The following SLC39A11 variants were observed in gnomAD, a reference collection of about 807,000 sequenced individuals.
The protein encoded by SLC39A11 is zinc transporter ZIP11.
A neutral mutation model predicts 36.1 loss-of-function variants in SLC39A11; 33 were observed. The observed-to-expected ratio is 0.91, with a 90% CI of 0.69 to 1.22. The LOEUF (loss-of-function observed/expected upper bound fraction) is 1.22. Among genes scored for constraint, SLC39A11 ranks in the 50% most tolerant of loss-of-function variants. The probability of loss-of-function intolerance (pLI) is 0.00; values close to 1 mark genes in which losing one functional copy is unlikely to be tolerated. For missense variants in SLC39A11, 432 were observed against 430.3 expected (o/e 1.00, Z -0.03); for synonymous variants, 166 against 170.3 (o/e 0.97, Z 0.20).
At chr17:72,656,215 AGCT>A (rs1349851843) in intron 7 of SLC39A11, among the ~76,000 whole-genome samples, 1 of 152,176 alleles carries the variant, frequency 6.6e-6, no homozygotes, top group African/African-American at 2.4e-5. Context: ...AAGACAGTGA[AGCT>A]GCTGTCTTCT....
chr17:72,950,982 C>A (rs1345514365), intron 4 of SLC39A11, among the ~76,000 whole-genome samples: 2 of 151,970 alleles, frequency 1.3e-5, no homozygotes, highest in Non-Finnish European at 2.9e-5. Flanking sequence ...TGAGCCAGGG[C>A]CAGGCACAGT....
rs8064445 is a variant in SLC39A11, at chr17:73,055,254, G to C, written c.148-23540C>G. Among the ~76,000 whole-genome samples the C allele has an allele frequency of 5.2e-3, 787 of 152,112 alleles. 11 individuals carry two copies. Among genetic ancestry groups the C allele is most frequent in the African/African-American group, 0.017 (726 of 41,490 alleles). On this transcript the variant is annotated intron_variant, in intron 3 of 9. Transcript: ENST00000255559. ...TTCATTCATGCGTGACATTGGGGTG[G>C]GGCAGAGGGGAGTTCATGCACATAT...
intron 7 of SLC39A11, among the ~76,000 whole-genome samples, chr17:72,678,348 G>A (rs1438334534): frequency 6.6e-6 from 1 of 152,082 alleles, no homozygotes; most frequent in Non-Finnish European, 1.5e-5. Context: ...GAGAAGGAGG[G>A]TACTAAAGAA....
chr17:72,773,780 C>T (rs1257503957), intron 6 of SLC39A11, among the ~76,000 whole-genome samples: 6 of 151,938 alleles, frequency 3.9e-5, no homozygotes, highest in Admixed American at 3.9e-4. Flanking sequence ...CATTAAAATA[C>T]AACATAAATA....
chr17:72,748,432 C>T (rs1216311835), intron 6 of SLC39A11, among the ~76,000 whole-genome samples: 1 of 152,124 alleles, frequency 6.6e-6, no homozygotes, highest in Non-Finnish European at 1.5e-5. Context: ...TAACTACTTC[C>T]TAATTAATGT....
chr17:72,647,593 G>C lies in SLC39A11; in HGVS notation c.999C>G (p.Gly333=), dbSNP rs1293379079. ...CCGAAGCGTCTCAGCCCTAGCCCAGGCCAACGTCCAGTGACATCATCACTA... is the reference window on the plus strand; with the variant it reads ...CCGAAGCGTCTCAGCCCTAGCCCAGCCCAACGTCCAGTGACATCATCACTA... ...GFVVMMSLDV[G]LG The change falls in exon 10 of 10, where the codon GGC becomes GGG. Residue 333 remains glycine (G), a synonymous_variant. Transcript: ENST00000255559. 6.2e-7 allele frequency: 1 copy of C among 1,613,706 alleles called. No homozygotes were observed. The highest frequency in any genetic ancestry group is 1.1e-5 in the South Asian group (1 of 90,996).
chr17:72,707,135 CAT>C (rs2072924647), intron 7 of SLC39A11, among the ~76,000 whole-genome samples: 1 of 152,176 alleles, frequency 6.6e-6, no homozygotes, highest in Non-Finnish European at 1.5e-5. Flanking sequence ...CATCATGGCT[CAT>C]GTGTGTAATC....
At chr17:72,945,852 C>G (rs1270452507) in intron 5 of SLC39A11, among the ~76,000 whole-genome samples, 1 of 152,198 alleles carries the variant, frequency 6.6e-6, no homozygotes. Flanking sequence ...AAATGTCCAT[C>G]CAAGGGCTTG....
At chr17:73,012,065 A>G (rs1282643733) in intron 4 of SLC39A11, among the ~76,000 whole-genome samples, 1 of 127,660 alleles carries the variant, frequency 7.8e-6, no homozygotes, top group Non-Finnish European at 1.7e-5. Flanking sequence ...ACCCGAGGTC[A>G]GGAGTTTGAG....
At chr17:72,855,702 C>T (rs569170949) in intron 5 of SLC39A11, among the ~76,000 whole-genome samples, 8 of 151,976 alleles carry the variant, frequency 5.3e-5, no homozygotes, top group South Asian at 2.1e-4. Context: ...CGAGACCATC[C>T]TGGCTAACAC....
chr17:72,720,543 T>TGG (rs1598441477), intron 7 of SLC39A11, among the ~76,000 whole-genome samples: 2 of 152,144 alleles, frequency 1.3e-5, no homozygotes, highest in East Asian at 3.9e-4. Flanking sequence ...GTGCTTGTCC[T>TGG]GGACCTGAGT....
chr17:72,880,432 C>G (rs973271438), intron 5 of SLC39A11, among the ~76,000 whole-genome samples: 1 of 151,998 alleles, frequency 6.6e-6, no homozygotes, highest in African/African-American at 2.4e-5. Flanking sequence ...ACCTGTTGGG[C>G]ATGATGGTGC....
chr17:72,819,471 A>C (rs2077694000), intron 6 of SLC39A11, among the ~76,000 whole-genome samples: 1 of 151,302 alleles, frequency 6.6e-6, no homozygotes, highest in Non-Finnish European at 1.5e-5. Context: ...AGCCCTAAGA[A>C]ACTAATATGA....
intron 7 of SLC39A11, chr17:72,712,712 C>A (rs1375946790): frequency 6.6e-6 from 1 of 152,202 alleles, no homozygotes; most frequent in Non-Finnish European, 1.5e-5. Context: ...CTTGTTTCCT[C>A]ACCCACAAAG....
chr17:73,044,870 C>T (rs2059224487), intron 3 of SLC39A11, among the ~76,000 whole-genome samples: 1 of 129,452 alleles, frequency 7.7e-6, no homozygotes, highest in African/African-American at 3.0e-5. Flanking sequence ...GAGCAAGACT[C>T]TGTCTCAGAA....
chr17:72,947,948 G>A, intron 4 of SLC39A11, 73 bp from the exon 5 acceptor site: 1 of 1,579,942 alleles, frequency 6.3e-7, no homozygotes, highest in Non-Finnish European at 8.6e-7. Context: ...TGGCTCACGG[G>A]CGCCAAGGCA....
intron 4 of SLC39A11, among the ~76,000 whole-genome samples, chr17:72,996,871 G>A (rs756105539): frequency 7.2e-5 from 11 of 152,012 alleles, no homozygotes; most frequent in East Asian, 1.9e-4. Context: ...TCCATGGGTC[G>A]GTTCTGTGCC....
chr17:72,720,763 A>G (rs1598442145), intron 7 of SLC39A11, among the ~76,000 whole-genome samples: 1 of 152,200 alleles, frequency 6.6e-6, no homozygotes, highest in Non-Finnish European at 1.5e-5. Flanking sequence ...AAACAGAGGC[A>G]CATAAGAAAA....
rs2074099789 is a variant in SLC39A11, at chr17:72,729,436, TATATATATATATATATA to T, written c.671+7197_671+7213del. On this transcript the variant is annotated intron_variant, in intron 7 of 9. Transcript: ENST00000255559. Reference sequence around the variant, plus strand: ...ATATATATATATATATATATATATATATATATATATATATATATATATTTTTTTTTTTTTTTTTTTTT... The same window carrying T: ...ATATATATATATATATATATATATATTATATTTTTTTTTTTTTTTTTTTTT... Among the ~76,000 whole-genome samples the T allele has an allele frequency of 1.1e-3, 4 of 3,498 alleles. No homozygotes were observed. In the East Asian group the frequency reaches 0.011, roughly 10 times the overall value. The allele number at this position is 3,498 out of a possible 152,430, so 2.3% of individuals were successfully genotyped here.
Sources: gnomAD v4.1 joint callset for allele counts (sites outside exome capture counted in the v4.1 genomes callset) on GRCh38, gnomAD v4.1.1 for gene constraint, MANE v1.5 for transcripts, NCBI Gene and HGNC (gene_info 2026-07-23, HGNC 2026-07-21) for gene names.